Variants in SLC44A1 observed in about 807,000 individuals in gnomAD.
SLC44A1 encodes the protein choline transporter-like protein 1.
SLC44A1 carries 26 observed loss-of-function variants against 79.3 expected under a neutral mutation model. That is an observed-to-expected ratio of 0.33 (90% CI 0.24 to 0.46). The LOEUF is 0.46. SLC44A1 is among the 20% of genes least tolerant of loss of function. The pLI is 1.00. For synonymous variants in SLC44A1, 263 were observed against 286.2 expected (o/e 0.92, Z 0.82); for missense variants, 688 against 798.1 (o/e 0.86, Z 1.66).
At position 105,396,028 on chromosome 9, in the gene SLC44A1, A is replaced by G; in HGVS notation, c.*6972A>G. 3 of 985,062 alleles carry G rather than the reference A, an allele frequency of 3.0e-6. No homozygotes were observed. The highest frequency in any genetic ancestry group is 3.6e-6 in the Non-Finnish European group (3 of 829,904). 61.0% of individuals were successfully genotyped at this position (985,062 alleles called of 1,614,324 possible). ...TTTCCCCCATCCTCTAGGTTCCTGTAGTCTGTGCTCAGAACTTGGTTTTTG... is the reference window on the plus strand; with the variant it reads ...TTTCCCCCATCCTCTAGGTTCCTGTGGTCTGTGCTCAGAACTTGGTTTTTG... On this transcript the variant is annotated 3_prime_UTR_variant, in exon 16 of 16. Transcript: ENST00000374720.
chr9:105,298,038 G>C (rs973448822), intron 1 of SLC44A1, among the ~76,000 whole-genome samples: 26 of 152,120 alleles, frequency 1.7e-4, no homozygotes, highest in African/African-American at 6.3e-4. Flanking sequence ...AAAGCTCAGG[G>C]GGGTTATTTC....
chr9:105,332,408 C>T (rs1467374443), intron 3 of SLC44A1, among the ~76,000 whole-genome samples: 1 of 152,186 alleles, frequency 6.6e-6, no homozygotes. Flanking sequence ...GCTTGAGCCA[C>T]TGCACCTGGC....
At position 105,438,432 on chromosome 9, in the gene SLC44A1, C is replaced by T. The variant is rs932293650; in HGVS notation, c.*137C>T. ...CAATGAAAGCATGTAACAAGTTTCT[C>T]AAACCACCAACAGCCAAGTGGATTT... On this transcript the variant is annotated 3_prime_UTR_variant, in exon 16 of 16. Coordinates refer to the SLC44A1 transcript ENST00000374724. 3 of 689,420 alleles carry T rather than the reference C, an allele frequency of 4.4e-6. No individual in the cohort carries two copies. The African/African-American group carries it at 5.4e-5, about 12-fold the overall frequency. The allele number at this position is 689,420 out of a possible 1,614,324, so 42.7% of individuals were successfully genotyped here.
At chr9:105,367,650 A>G (rs1564462287) in intron 12 of SLC44A1, among the ~76,000 whole-genome samples, 3 of 152,068 alleles carry the variant, frequency 2.0e-5, no homozygotes, top group African/African-American at 4.8e-5. Flanking sequence ...CTACTGCCGT[A>G]CCCCCAGGCA....
chr9:105,435,352 T>G (rs1829450196), intron 15 of SLC44A1, among the ~76,000 whole-genome samples: 1 of 152,138 alleles, frequency 6.6e-6, no homozygotes, highest in African/African-American at 2.4e-5. Flanking sequence ...TGGGTGCAAG[T>G]GGGCTGAGTC....
At chr9:105,327,436 C>A (rs188518501) in intron 3 of SLC44A1, among the ~76,000 whole-genome samples, 1 of 152,280 alleles carries the variant, frequency 6.6e-6, no homozygotes, top group Non-Finnish European at 1.5e-5. Flanking sequence ...GCGCACACCA[C>A]CACACCTGGC....
At chr9:105,436,956 T>C (rs1302924277) in intron 15 of SLC44A1, among the ~76,000 whole-genome samples, 2 of 152,208 alleles carry the variant, frequency 1.3e-5, no homozygotes. Flanking sequence ...ATCTGAATCA[T>C]AGAACTATTT....
chr9:105,337,321 A>G (rs961538679), intron 4 of SLC44A1, among the ~76,000 whole-genome samples: 2 of 152,166 alleles, frequency 1.3e-5, no homozygotes, highest in Non-Finnish European at 2.9e-5. Flanking sequence ...TCCTTGCCTC[A>G]GTTTCCACAT....
chr9:105,418,333 A>G (rs1829201293), intron 15 of SLC44A1, among the ~76,000 whole-genome samples: 4 of 148,376 alleles, frequency 2.7e-5, no homozygotes, highest in Admixed American at 2.7e-4. Context: ...AAAAAAAAAA[A>G]AAGAAAGAAA....
intron 1 of SLC44A1, among the ~76,000 whole-genome samples, chr9:105,277,795 CA>C (rs1346189644): frequency 3.9e-5 from 6 of 152,138 alleles, no homozygotes; most frequent in Admixed American, 2.0e-4. Context: ...ATGTTAGTGG[CA>C]GTTCTGTTGT....
intron 5 of SLC44A1, among the ~76,000 whole-genome samples, chr9:105,353,027 A>G (rs1376277151): frequency 6.6e-6 from 1 of 152,098 alleles, no homozygotes; most frequent in Non-Finnish European, 1.5e-5. Flanking sequence ...ATTTTTGAAT[A>G]ATGTGCCTAT....
chr9:105,411,666 G>T (rs890027337), intron 15 of SLC44A1, among the ~76,000 whole-genome samples: 1 of 151,510 alleles, frequency 6.6e-6, no homozygotes, highest in Non-Finnish European at 1.5e-5. Context: ...TGTCATTCAT[G>T]ACCTTGATGT....
At chr9:105,291,118 A>G (rs1830593009) in intron 1 of SLC44A1, among the ~76,000 whole-genome samples, 1 of 152,248 alleles carries the variant, frequency 6.6e-6, no homozygotes, top group East Asian at 1.9e-4. Context: ...TCCATAGTTT[A>G]TTGCTACTCA....
At chr9:105,370,243 G>A (rs1412743118) in intron 12 of SLC44A1, among the ~76,000 whole-genome samples, 4 of 152,216 alleles carry the variant, frequency 2.6e-5, no homozygotes, top group Admixed American at 6.5e-5. Flanking sequence ...GAAAAGGAGG[G>A]AATTTTCATT....
chr9:105,341,975 A>G (rs1827106955), intron 4 of SLC44A1, among the ~76,000 whole-genome samples: 1 of 152,188 alleles, frequency 6.6e-6, no homozygotes, highest in Non-Finnish European at 1.5e-5. Flanking sequence ...TACAGAGAAA[A>G]CTGAAACCAT....
intron 15 of SLC44A1, among the ~76,000 whole-genome samples, chr9:105,406,921 A>G (rs966522109): frequency 2.0e-5 from 3 of 152,186 alleles, no homozygotes; most frequent in Admixed American, 2.0e-4. Flanking sequence ...CATCAATAAA[A>G]ATATAGAAAT....
chr9:105,366,535 A>G, intron 12 of SLC44A1, 106 bp downstream of exon 12: 1 of 500,316 alleles, frequency 2.0e-6, no homozygotes, highest in Non-Finnish European at 3.4e-6. Context: ...TTCTTGTGGT[A>G]TTGTACATTG....
At chr9:105,320,648 A>G (rs1826364529) in intron 3 of SLC44A1, among the ~76,000 whole-genome samples, 3 of 148,876 alleles carry the variant, frequency 2.0e-5, no homozygotes, top group Non-Finnish European at 4.4e-5. Flanking sequence ...ATTTATTGGC[A>G]TGATTATAGC....
At chr9:105,247,183 A>G (rs1399709925) in intron 1 of SLC44A1, among the ~76,000 whole-genome samples, 1 of 151,674 alleles carries the variant, frequency 6.6e-6, no homozygotes, top group Non-Finnish European at 1.5e-5. Context: ...TCCTTTCAGG[A>G]GCATTACCAG....
Sources: allele counts gnomAD v4.1 joint callset (sites outside exome capture counted in the v4.1 genomes callset), GRCh38; gene constraint gnomAD v4.1.1; transcripts MANE v1.5; gene names NCBI Gene and HGNC (gene_info 2026-07-23, HGNC 2026-07-21).